LMBR1: variants seen among roughly 807,000 people sequenced by gnomAD.
LMBR1 encodes the protein limb region 1 protein homolog.
Under a neutral mutation model 73.9 loss-of-function variants are expected in LMBR1, and 52 were observed. That is an observed-to-expected ratio of 0.70 (90% CI 0.56 to 0.89). The LOEUF (loss-of-function observed/expected upper bound fraction) is 0.89, where lower values mean the gene tolerates loss of function less well. LMBR1 is among the 40% of genes least tolerant of loss of function. The pLI is 0.00. For missense variants in LMBR1, 539 were observed against 579.8 expected (o/e 0.93, Z 0.72); for synonymous variants, 215 against 209.4 (o/e 1.03, Z -0.23).
intron 15 of LMBR1, among the ~76,000 whole-genome samples, chr7:156,706,743 G>C (rs1327605204): frequency 1.3e-5 from 2 of 151,928 alleles, no homozygotes; most frequent in African/African-American, 4.8e-5. Flanking sequence ...TGCTAGGAGG[G>C]AAGTTTATGA....
At chr7:156,728,789 A>C in intron 10 of LMBR1, 69 bp from the exon 11 acceptor site, 1 of 1,079,604 alleles carries the variant, frequency 9.3e-7, no homozygotes, top group Non-Finnish European at 1.4e-6. Flanking sequence ...ATAATGCTAT[A>C]ATCTGTTTTA....
At chr7:156,779,412 T>C (rs1054365896) in intron 5 of LMBR1, among the ~76,000 whole-genome samples, 1 of 152,258 alleles carries the variant, frequency 6.6e-6, no homozygotes, top group Non-Finnish European at 1.5e-5. Flanking sequence ...AATCACGTTA[T>C]TTCATACCAG....
At chr7:156,748,215 G>A (rs1820187932) in intron 9 of LMBR1, among the ~76,000 whole-genome samples, 1 of 152,058 alleles carries the variant, frequency 6.6e-6, no homozygotes, top group African/African-American at 2.4e-5. Flanking sequence ...CTGTGAAAAT[G>A]CAAATATGCT....
At chr7:156,892,296 G>C (rs1189880128) in intron 1 of LMBR1, among the ~76,000 whole-genome samples, 2 of 152,246 alleles carry the variant, frequency 1.3e-5, no homozygotes, top group African/African-American at 4.8e-5. Flanking sequence ...GGCTGGGGGA[G>C]ATGAAAGAGG....
Position 156,873,020 on chromosome 7 carries a change from G to A in LMBR1, c.66+19908C>T, listed in dbSNP as rs115587236. ...TGAGTGTTACAGCTCTTAAGGTGGC[G>A]CGTTGGCACGTCTGGAGTCTGTCCC... On this transcript the variant is annotated intron_variant, in intron 1 of 16. Coordinates refer to ENST00000353442, the MANE Select transcript of LMBR1 (RefSeq NM_022458.4). 4.0e-3 allele frequency among the ~76,000 whole-genome samples: 612 copies of A among 152,038 alleles called. 6 individuals carry two copies. Among genetic ancestry groups the A allele is most frequent in the African/African-American group, 0.014 (583 of 41,480 alleles).
intron 5 of LMBR1, among the ~76,000 whole-genome samples, chr7:156,791,457 T>A (rs551603204): frequency 6.6e-6 from 1 of 152,280 alleles, no homozygotes; most frequent in Admixed American, 6.5e-5. Context: ...GAAAAAGTCA[T>A]CTGGTCATAA....
chr7:156,881,828 G>GACTTGTTGACAAGTGTCA (rs2134469889), intron 1 of LMBR1, among the ~76,000 whole-genome samples: 1 of 151,002 alleles, frequency 6.6e-6, no homozygotes, highest in African/African-American at 2.4e-5. Context: ...AAAAGAAGAC[G>GACTTGTTGACAAGTGTCA]ACAAGTGTTG....
chr7:156,673,369 T>C (rs1585119279), downstream of LMBR1, among the ~76,000 whole-genome samples: 2 of 152,334 alleles, frequency 1.3e-5, no homozygotes, highest in East Asian at 3.9e-4. Context: ...CCTTTTACAA[T>C]GTATAGAGAA....
rs566238279 is a variant in LMBR1 at position 156,819,804 on chromosome 7, C to T, written c.319+6801G>A. Among the ~76,000 whole-genome samples the T allele has an allele frequency of 5.9e-5, 9 of 152,170 alleles. 1 individual carries two copies. The highest frequency in any genetic ancestry group is 3.9e-4 in the East Asian group (2 of 5,164). ...ATTTTAGCAGAGGCCCAACTCAGAG[C>T]GGGTCCCTGAACCCATCCTGTGGTT... On this transcript the variant is annotated intron_variant, in intron 4 of 16. Transcript: ENST00000353442.
intron 15 of LMBR1, among the ~76,000 whole-genome samples, chr7:156,719,338 T>C (rs1461023778): frequency 6.6e-6 from 1 of 152,128 alleles, no homozygotes; most frequent in Non-Finnish European, 1.5e-5. Context: ...TGCATAGTAT[T>C]CCATGGTGTA....
chr7:156,740,299 A>C lies in LMBR1; in HGVS notation c.758-6042T>G, dbSNP rs570553343. ...AATCTAAGAGTTATTGGCAGCAAAG[A>C]GGAGGCAGAGAAAGAGAGAGAGGTA... On this transcript the variant is annotated intron_variant, in intron 9 of 16. Coordinates refer to ENST00000353442, the MANE Select transcript of LMBR1 (RefSeq NM_022458.4). Among the ~76,000 whole-genome samples, 5 of 152,322 alleles carry C rather than the reference A, an allele frequency of 3.3e-5. No homozygotes were observed. The East Asian group carries it at 9.6e-4, about 29-fold the overall frequency.
At position 156,779,542 on chromosome 7, in the gene LMBR1, T is replaced by C. The variant is rs926894818; in HGVS notation, c.424-15747A>G. ...CTTTTAGATTTAAATGGGAACTAAA[T>C]GGATAGTCTACTACACTCAAATGGT... On this transcript the variant is annotated intron_variant, in intron 5 of 16. Transcript: ENST00000353442. 53 of 289,498 alleles carry C rather than the reference T, an allele frequency of 1.8e-4. No individual in the cohort carries two copies. Among genetic ancestry groups the C allele is most frequent in the African/African-American group, 9.0e-4 (42 of 46,630 alleles). 17.9% of individuals were successfully genotyped at this position (289,498 alleles called of 1,614,324 possible). A position where few individuals can be genotyped will look rare whatever the true frequency, so the allele number is the denominator to read the frequency against.
intron 5 of LMBR1, among the ~76,000 whole-genome samples, chr7:156,765,924 T>C (rs879869204): frequency 6.6e-6 from 1 of 152,178 alleles, no homozygotes; most frequent in Non-Finnish European, 1.5e-5. Flanking sequence ...CTTGGAACCA[T>C]TTAAAACCCA....
At chr7:156,850,390 C>G (rs1291775222) in intron 1 of LMBR1, among the ~76,000 whole-genome samples, 1 of 152,196 alleles carries the variant, frequency 6.6e-6, no homozygotes, top group African/African-American at 2.4e-5. Context: ...TAGCACAAAA[C>G]AGACTAAGAC....
At chr7:156,833,871 A>C in intron 2 of LMBR1, 79 bp from the exon 3 acceptor site, 2 of 930,522 alleles carry the variant, frequency 2.1e-6, no homozygotes, top group South Asian at 3.2e-5. Context: ...CTATAAACAC[A>C]ATATAAACTT....
rs1586063512 is a variant in LMBR1, at chr7:156,826,607, T to C, written c.317A>G (p.His106Arg). ...YIQWLNGSLI[H>R]GLWNLASLFS... ...TATATTAAGCAATATATACTAACCA[T>C]GAATCAGGGAGCCATTTAGCCACTG... Residue 106 changes from histidine to arginine, a missense_variant and splice_region_variant, in exon 4 of 17, where the codon CAT becomes CGT. Physicochemically the swap from His to Arg is conservative, Grantham distance 29. Transcript: ENST00000353442. The C allele has an allele frequency of 1.9e-6, 3 of 1,538,574 alleles. No individual in the cohort carries two copies. The highest frequency in any genetic ancestry group is 2.6e-6 in the Non-Finnish European group (3 of 1,135,918).
At chr7:156,706,232 C>T (rs1439705872) in intron 15 of LMBR1, among the ~76,000 whole-genome samples, 1 of 149,466 alleles carries the variant, frequency 6.7e-6, no homozygotes, top group Non-Finnish European at 1.5e-5. Flanking sequence ...TATAACAATA[C>T]ATCCAAATAT....
intron 4 of LMBR1, among the ~76,000 whole-genome samples, chr7:156,813,043 A>T (rs1833368886): frequency 6.6e-6 from 1 of 152,014 alleles, no homozygotes; most frequent in Non-Finnish European, 1.5e-5. Flanking sequence ...ACCTTACTCC[A>T]CCTTAGCCAG....
At chr7:156,845,111 C>T (rs147943425) in intron 1 of LMBR1, among the ~76,000 whole-genome samples, 276 of 152,116 alleles carry the variant, frequency 1.8e-3, no homozygotes, top group Middle Eastern at 0.014. Flanking sequence ...CTAACAAAAC[C>T]CATGATGGAT....
Sources: gnomAD v4.1 joint callset for allele counts (sites outside exome capture counted in the v4.1 genomes callset) on GRCh38, gnomAD v4.1.1 for gene constraint, MANE v1.5 for transcripts, NCBI Gene and HGNC (gene_info 2026-07-23, HGNC 2026-07-21) for gene names.